The following ZNF521 variants were observed in gnomAD, a reference collection of about 807,000 sequenced individuals.
The protein encoded by ZNF521 is zinc finger protein 521, also known as LYST-interacting protein 3.
ZNF521 carries 14 observed loss-of-function variants against 105.5 expected under a neutral mutation model. The ratio of observed to expected loss-of-function variants is 0.13; its 90% CI spans 0.09 to 0.21. ZNF521 has a LOEUF of 0.21. Among genes scored for constraint, ZNF521 ranks in the 10% least tolerant of loss-of-function variants. The pLI, the probability that ZNF521 is intolerant of heterozygous loss-of-function variation, is 1.00. For missense variants in ZNF521, 1,233 were observed against 1,629.7 expected (o/e 0.76, Z 4.19); for synonymous variants, 635 against 606.0 (o/e 1.05, Z -0.70).
intron 4 of ZNF521, chr18:25,202,241 G>A (rs953241398): frequency 6.6e-6 from 1 of 151,986 alleles, no homozygotes; most frequent in Non-Finnish European, 1.5e-5. Flanking sequence ...TGTGGATTTC[G>A]CATCTGCAAT....
At chr18:25,148,443 A>T (rs1168591581) in intron 5 of ZNF521, among the ~76,000 whole-genome samples, 1 of 152,130 alleles carries the variant, frequency 6.6e-6, no homozygotes, top group Non-Finnish European at 1.5e-5. Flanking sequence ...ATTGAGTTTT[A>T]AAAAAATTAA....
chr18:25,283,929 C>G (rs534256161), intron 3 of ZNF521, among the ~76,000 whole-genome samples: 18 of 142,302 alleles, frequency 1.3e-4, no homozygotes, highest in Admixed American at 4.9e-4. Flanking sequence ...CTTTCCCCCC[C>G]CCCCAAAAAA....
At chr18:25,184,367 T>G (rs1019709296) in intron 5 of ZNF521, among the ~76,000 whole-genome samples, 6 of 152,116 alleles carry the variant, frequency 3.9e-5, no homozygotes, top group Non-Finnish European at 8.8e-5. Flanking sequence ...AAAACCCCCT[T>G]TCTACTGGAG....
Position 25,224,692 on chromosome 18 carries a change from A to G in ZNF521, c.3226T>C (p.Ser1076Pro), listed in dbSNP as rs1377041950. The change falls in exon 4 of 8, where the codon TCC (serine) becomes CCC (proline). Residue 1076 changes from serine to proline, a missense_variant. By Grantham distance (74) the Ser-to-Pro change is moderately conservative. This residue lies in a region of ZNF521 where 614 missense variants were observed against 751.5 expected (regional missense o/e 0.82). Coordinates refer to ENST00000361524, the MANE Select transcript of ZNF521 (RefSeq NM_015461.3). ...KCASCLKEFRSKQDLVKLDIN... is the reference protein window; with the variant it reads ...KCASCLKEFRPKQDLVKLDIN... ...TCAAGTTTCACCAGATCTTGCTTGG[A>G]ACGGAATTCTTTGAGGCAAGATGCG... is the stretch of plus-strand genomic sequence containing the variant. 3.1e-6 allele frequency: 5 copies of G among 1,613,998 alleles called. No homozygotes were observed. The highest frequency in any genetic ancestry group is 4.2e-6 in the Non-Finnish European group (5 of 1,179,980).
intron 5 of ZNF521, among the ~76,000 whole-genome samples, chr18:25,101,955 T>C (rs2033972961): frequency 6.6e-6 from 1 of 152,162 alleles, no homozygotes; most frequent in African/African-American, 2.4e-5. Context: ...AACAGCAGGT[T>C]ACAACTATAA....
At chr18:25,249,388 A>C (rs1907950572) in intron 3 of ZNF521, among the ~76,000 whole-genome samples, 2 of 150,976 alleles carry the variant, frequency 1.3e-5, no homozygotes, top group South Asian at 4.2e-4. Flanking sequence ...CCATCTCCTG[A>C]CCTCGTGATT....
rs1023368310 is a variant in ZNF521 at position 25,227,988 on chromosome 18, T to C, written c.221-291A>G. ...TCTTCCTTAGAAGCAAGGTATATATTACACATTGACAATTTTATTAAAATG... is the reference window on the plus strand; with the variant it reads ...TCTTCCTTAGAAGCAAGGTATATATCACACATTGACAATTTTATTAAAATG... On this transcript the variant is annotated intron_variant, in intron 3 of 7. Coordinates refer to ENST00000361524, the MANE Select transcript of ZNF521 (RefSeq NM_015461.3). The surrounding 1 kb of genome is among the most constrained non-coding windows in gnomAD (Gnocchi z 5.7). Among the ~76,000 whole-genome samples the C allele has an allele frequency of 1.3e-5, 2 of 152,226 alleles. No individual in the cohort carries two copies. The highest frequency in any genetic ancestry group is 2.9e-5 in the Non-Finnish European group (2 of 68,036).
chr18:25,268,682 CT>C (rs1225130403), intron 3 of ZNF521, among the ~76,000 whole-genome samples: 1 of 152,160 alleles, frequency 6.6e-6, no homozygotes, highest in African/African-American at 2.4e-5. Context: ...CCAAACTAAT[CT>C]TCTTAAGTGA....
intron 3 of ZNF521, among the ~76,000 whole-genome samples, chr18:25,304,459 T>G (rs1009816577): frequency 5.3e-5 from 8 of 152,330 alleles, no homozygotes; most frequent in East Asian, 1.9e-4. Context: ...ATTCGGTTTT[T>G]TGTGTGTGTG....
At chr18:25,140,769 T>C (rs897742672) in intron 5 of ZNF521, among the ~76,000 whole-genome samples, 1 of 152,168 alleles carries the variant, frequency 6.6e-6, no homozygotes, top group Non-Finnish European at 1.5e-5. Flanking sequence ...TCCTGTTACA[T>C]TCCTGAAGAT....
intron 5 of ZNF521, among the ~76,000 whole-genome samples, chr18:25,124,600 T>C (rs972040068): frequency 6.6e-6 from 1 of 152,194 alleles, no homozygotes; most frequent in African/African-American, 2.4e-5. Context: ...CTTACTCAGA[T>C]TTCCTTCTCC....
intron 3 of ZNF521, among the ~76,000 whole-genome samples, chr18:25,251,435 T>G (rs1908109093): frequency 6.6e-6 from 1 of 152,166 alleles, no homozygotes; most frequent in South Asian, 2.1e-4. Context: ...AAAAAGATGG[T>G]TTATTCTTCC....
chr18:25,220,011 G>A (rs1173282217), intron 4 of ZNF521, among the ~76,000 whole-genome samples: 2 of 152,152 alleles, frequency 1.3e-5, no homozygotes, highest in South Asian at 2.1e-4. Context: ...ACTATTTGGA[G>A]AGCGGTCAGT....
chr18:25,285,586 A>G (rs975824588), intron 3 of ZNF521, among the ~76,000 whole-genome samples: 2 of 152,168 alleles, frequency 1.3e-5, no homozygotes, highest in Non-Finnish European at 2.9e-5. Context: ...ACACTTTCCA[A>G]CAAAGTATAG....
chr18:25,065,623 T>A (rs963029169), intron 7 of ZNF521, among the ~76,000 whole-genome samples: 3 of 152,144 alleles, frequency 2.0e-5, no homozygotes, highest in African/African-American at 7.2e-5. Flanking sequence ...GGTGTTTTTT[T>A]CTTCTTACCA....
At chr18:25,256,438 C>A (rs1259094343) in intron 3 of ZNF521, among the ~76,000 whole-genome samples, 4 of 152,004 alleles carry the variant, frequency 2.6e-5, no homozygotes, top group Non-Finnish European at 4.4e-5. Context: ...TTAGCAGTTA[C>A]AAAACATAAG....
intron 5 of ZNF521, among the ~76,000 whole-genome samples, chr18:25,157,614 G>A (rs979607391): frequency 6.6e-6 from 1 of 152,198 alleles, no homozygotes; most frequent in African/African-American, 2.4e-5. Context: ...GAACTGTCTT[G>A]CAATCATTAA....
At chr18:25,243,184 G>A (rs9945471) in intron 3 of ZNF521, among the ~76,000 whole-genome samples, 20,383 of 152,046 alleles carry the variant, frequency 0.13, 1,910 homozygotes, top group African/African-American at 0.27. Context: ...AACTCTGAAC[G>A]TTTATATCAA....
intron 5 of ZNF521, among the ~76,000 whole-genome samples, chr18:25,137,344 C>T (rs575975972): frequency 6.6e-6 from 1 of 152,256 alleles, no homozygotes; most frequent in South Asian, 2.1e-4. Context: ...AGTATCACCT[C>T]GGGCAAAGGT....
Sources: allele counts gnomAD v4.1 joint callset (sites outside exome capture counted in the v4.1 genomes callset), GRCh38; gene constraint gnomAD v4.1.1; regional missense constraint gnomAD v4.1.1; non-coding constraint Gnocchi (gnomAD v3.1); transcripts MANE v1.5; gene names NCBI Gene and HGNC (gene_info 2026-07-23, HGNC 2026-07-21).